ZNF710: variants seen among roughly 807,000 people sequenced by gnomAD.
ZNF710 encodes zinc finger protein 710.
In ZNF710, 13 loss-of-function variants were observed where a neutral mutation model predicts 50.6. The observed-to-expected ratio is 0.26, with a 90% CI of 0.17 to 0.41. ZNF710 has a LOEUF of 0.41. Among genes scored for constraint, ZNF710 ranks in the 10% least tolerant of loss-of-function variants. ZNF710 has a pLI of 1.00. For missense variants in ZNF710, 721 were observed against 936.6 expected (o/e 0.77, Z 3.01); for synonymous variants, 383 against 397.0 (o/e 0.96, Z 0.42).
Position 90,068,183 on chromosome 15 carries a change from G to A in ZNF710, c.1046G>A (p.Arg349Gln), listed in dbSNP as rs377693133. Reference protein sequence around the residue: ...QTHLLTHQGTRPHKCQVCHKA... With the variant: ...QTHLLTHQGTQPHKCQVCHKA... ...CACCTGCTGACGCACCAGGGCACCC[G>A]GCCCCACAAGTGCCAGGTATGCCAC... The change falls in exon 2 of 5, where the codon CGG becomes CAG. Residue 349 changes from arginine (R) to glutamine (Q), a missense_variant. Physicochemically the swap from Arg to Gln is conservative, Grantham distance 43 (BLOSUM62 1). Around this residue, in one of 3 missense-constraint regions of ZNF710, gnomAD observed 326 missense variants for 522.0 expected, o/e 0.62. Coordinates refer to ENST00000268154, the MANE Select transcript of ZNF710 (RefSeq NM_198526.4). This position sits in a 1 kb window ranked among gnomAD's most constrained non-coding sequence, Gnocchi z 5.0. 1.2e-6 allele frequency: 2 copies of A among 1,613,946 alleles called. No homozygotes were observed. Among genetic ancestry groups the A allele is most frequent in the Non-Finnish European group, 1.7e-6 (2 of 1,180,010 alleles).
chr15:90,059,918 C>T lies in ZNF710; in HGVS notation c.-28-7192C>T, dbSNP rs373108380. On this transcript the variant is annotated intron_variant, in intron 1 of 4. Coordinates refer to ENST00000268154, the MANE Select transcript of ZNF710 (RefSeq NM_198526.4). The surrounding 1 kb of genome is among the most constrained non-coding windows in gnomAD (Gnocchi z 4.1). ...TCTCCTCCCACCTGGTTACCTGTCC[C>T]GCCCACTCCAGCTTCAGCCTCTCCA... Among the ~76,000 whole-genome samples, 18 of 152,312 alleles carry T rather than the reference C, an allele frequency of 1.2e-4. No homozygotes were observed. Among genetic ancestry groups the T allele is most frequent in the African/African-American group, 4.3e-4 (18 of 41,586 alleles).
At chr15:90,004,792 C>T (rs905453330) in intron 1 of ZNF710, among the ~76,000 whole-genome samples, 3 of 152,204 alleles carry the variant, frequency 2.0e-5, no homozygotes, top group South Asian at 2.1e-4. Flanking sequence ...AGCATGAAAC[C>T]GTGCGCTCAC....
At position 90,081,184 on chromosome 15, in the gene ZNF710, ACT is replaced by A. The variant is rs1384639077; in HGVS notation, c.*1358_*1359del. On this transcript the variant is annotated 3_prime_UTR_variant, in exon 5 of 5. Coordinates refer to ENST00000268154, the MANE Select transcript of ZNF710 (RefSeq NM_198526.4). ...CCATCCTCGGCTGTCAGGGCTGCTG[ACT>A]CTGCTCAGCCAACAGCTAGCTCCCT... is the stretch of plus-strand genomic sequence containing the variant. The A allele has an allele frequency of 1.3e-5, 2 of 152,294 alleles. No individual in the cohort carries two copies. The highest frequency in any genetic ancestry group is 1.9e-4 in the East Asian group (1 of 5,194). The allele number at this position is 152,294 out of a possible 1,614,324, so 9.4% of individuals were successfully genotyped here.
chr15:90,048,761 T>C (rs1298308409), intron 1 of ZNF710, among the ~76,000 whole-genome samples: 2 of 152,190 alleles, frequency 1.3e-5, no homozygotes, highest in Non-Finnish European at 2.9e-5. Context: ...GTAGCATCTG[T>C]GACGAGACTT....
intron 2 of ZNF710, among the ~76,000 whole-genome samples, chr15:90,069,338 G>C (rs988413234): frequency 6.6e-6 from 1 of 151,974 alleles, no homozygotes; most frequent in Admixed American, 6.6e-5. Flanking sequence ...AGCCTGAGAG[G>C]CTGAGGTTGC....
At chr15:90,051,738 A>C (rs1159109035) in intron 1 of ZNF710, among the ~76,000 whole-genome samples, 1 of 151,982 alleles carries the variant, frequency 6.6e-6, no homozygotes, top group Admixed American at 6.6e-5. Flanking sequence ...GAATCACTCA[A>C]CTCCTGTGCC....
chr15:90,038,740 T>TGTGTGTGTGTGA (rs150950322), intron 1 of ZNF710, among the ~76,000 whole-genome samples: 2,671 of 148,546 alleles, frequency 0.018, 77 homozygotes, highest in African/African-American at 0.055. Context: ...TGTGTGTGTG[T>TGTGTGTGTGTGA]GAGACATTGG....
chr15:90,046,128 GC>G (rs1372947113), intron 1 of ZNF710, among the ~76,000 whole-genome samples: 2 of 152,154 alleles, frequency 1.3e-5, no homozygotes, highest in Admixed American at 6.5e-5. Context: ...CTGGGAGGGA[GC>G]CCTGAGATGT....
At chr15:90,008,455 T>TATATATATACATATATATATAC (rs1898210451) in intron 1 of ZNF710, among the ~76,000 whole-genome samples, 3 of 130,724 alleles carry the variant, frequency 2.3e-5, no homozygotes, top group African/African-American at 9.7e-5. Flanking sequence ...TATATATATG[T>TATATATATACATATATATATAC]ATATATATAT....
At chr15:90,069,928 A>G (rs576839498) in intron 2 of ZNF710, among the ~76,000 whole-genome samples, 18 of 152,234 alleles carry the variant, frequency 1.2e-4, no homozygotes, top group African/African-American at 4.1e-4. Flanking sequence ...GGGTCCCACA[A>G]TCCCACTCTG....
In ZNF710 at chr15:90,001,439, GGAGA is replaced by G. The variant is rs1035053019; in HGVS notation, c.-197_-194del. 6.6e-6 allele frequency: 1 copy of G among 152,106 alleles called. No individual in the cohort carries two copies. Among genetic ancestry groups the G allele is most frequent in the African/African-American group, 2.4e-5 (1 of 41,360 alleles). The allele number at this position is 152,106 out of a possible 1,614,324, so 9.4% of individuals were successfully genotyped here. On this transcript the variant is annotated 5_prime_UTR_variant, in exon 1 of 5. Transcript: ENST00000268154. ...GCGAGAGAGCGAGCGAGAGGAGGGG[GGAGA>G]GAGAGAAAGAGAGGAGCCGGAGGGA...
rs779256432 is a variant in ZNF710 at position 90,074,235 on chromosome 15, G to A, written c.1770G>A (p.Leu590=). 9 of 1,613,414 alleles carry A rather than the reference G, an allele frequency of 5.6e-6. No homozygotes were observed. The highest frequency in any genetic ancestry group is 3.3e-5 in the Admixed American group (2 of 59,842). The change falls in exon 4 of 5, where the codon CTG becomes CTA. Residue 590 remains leucine, a synonymous_variant. Transcript: ENST00000268154. ...CSSKFNLKGN[L]SRHMKVKHGV... ...GCAAGTTTAATCTCAAGGGCAACCTGAGCCGGCACATGAAGGTCAAGCATG... is the reference window on the plus strand; with the variant it reads ...GCAAGTTTAATCTCAAGGGCAACCTAAGCCGGCACATGAAGGTCAAGCATG...
chr15:90,010,928 G>GTTTT (rs11341248), intron 1 of ZNF710, among the ~76,000 whole-genome samples: 5 of 79,066 alleles, frequency 6.3e-5, no homozygotes, highest in Admixed American at 1.5e-4. Flanking sequence ...TTGGTTTTTT[G>GTTTT]TTTTTTTTTT....
At chr15:90,031,485 A>G (rs889353047) in intron 1 of ZNF710, among the ~76,000 whole-genome samples, 30 of 152,336 alleles carry the variant, frequency 2.0e-4, no homozygotes, top group Middle Eastern at 3.4e-3. Context: ...CTTTGAGGAA[A>G]TCGGAAGACT....
intron 1 of ZNF710, among the ~76,000 whole-genome samples, chr15:90,015,691 G>A (rs989560720): frequency 4.0e-5 from 6 of 151,748 alleles, no homozygotes; most frequent in African/African-American, 1.5e-4. Context: ...GACCTCCCAG[G>A]CTTAAGCGAT....
chr15:90,025,746 G>T (rs1567224808), intron 1 of ZNF710: 1 of 152,200 alleles, frequency 6.6e-6, no homozygotes, highest in Non-Finnish European at 1.5e-5. Flanking sequence ...CAGAAATTGT[G>T]CCAGTCGGGG....
At chr15:90,005,279 GAC>G in intron 1 of ZNF710, among the ~76,000 whole-genome samples, 1 of 152,294 alleles carries the variant, frequency 6.6e-6, no homozygotes, top group African/African-American at 2.4e-5. Flanking sequence ...ACCCATGAAT[GAC>G]ACAGGCAGGG....
At chr15:90,063,417 CGTGA>C (rs1247601301) in intron 1 of ZNF710, among the ~76,000 whole-genome samples, 1 of 152,034 alleles carries the variant, frequency 6.6e-6, no homozygotes, top group Non-Finnish European at 1.5e-5. Context: ...CTGGGGACCT[CGTGA>C]GTGTCTGTAA....
At chr15:90,022,615 G>A (rs184115585) in intron 1 of ZNF710, among the ~76,000 whole-genome samples, 104 of 152,308 alleles carry the variant, frequency 6.8e-4, no homozygotes, top group Middle Eastern at 3.4e-3. Flanking sequence ...GGCATAAGCC[G>A]GGAGACTTGG....
Sources: allele counts gnomAD v4.1 joint callset (sites outside exome capture counted in the v4.1 genomes callset), GRCh38; gene constraint gnomAD v4.1.1; regional missense constraint gnomAD v4.1.1; non-coding constraint Gnocchi (gnomAD v3.1); transcripts MANE v1.5; gene names NCBI Gene and HGNC (gene_info 2026-07-23, HGNC 2026-07-21).